The following EIF4ENIF1 variants were observed in gnomAD, a reference collection of about 807,000 sequenced individuals.
The protein encoded by EIF4ENIF1 is eukaryotic translation initiation factor 4E nuclear import factor 1.
A neutral mutation model predicts 110.5 loss-of-function variants in EIF4ENIF1; 23 were observed. The observed-to-expected ratio is 0.21, with a 90% CI of 0.15 to 0.29. The LOEUF (loss-of-function observed/expected upper bound fraction) is 0.29, where lower values mean the gene tolerates loss of function less well. Among genes scored for constraint, EIF4ENIF1 ranks in the 10% least tolerant of loss-of-function variants. The pLI, the probability that EIF4ENIF1 is intolerant of heterozygous loss-of-function variation, is 1.00. For missense variants in EIF4ENIF1, 1,031 were observed against 1,221.1 expected, an observed-to-expected ratio of 0.84 and a Z score of 2.32; for synonymous variants, 440 against 437.0, an observed-to-expected ratio of 1.01 and a Z score of -0.09.
intron 17 of EIF4ENIF1, among the ~76,000 whole-genome samples, chr22:31,441,433 G>A (rs764806598): frequency 7.3e-5 from 11 of 151,082 alleles, no homozygotes; most frequent in Non-Finnish European, 1.5e-4. Flanking sequence ...CCAGCTACTC[G>A]GGAGGCTGAG....
intron 17 of EIF4ENIF1, 140 bp from the exon 18 acceptor site, chr22:31,441,008 G>A (rs950419325): frequency 8.4e-7 from 1 of 1,197,474 alleles, no homozygotes; most frequent in Non-Finnish European, 1.2e-6. Flanking sequence ...GTAATCCCCA[G>A]CACTTTGGGA....
chr22:31,481,027 T>C (rs915013295), intron 2 of EIF4ENIF1, among the ~76,000 whole-genome samples: 2 of 152,172 alleles, frequency 1.3e-5, no homozygotes, highest in Admixed American at 6.5e-5. Flanking sequence ...CGTGCAAGAC[T>C]CTGTCTCAAC....
intron 17 of EIF4ENIF1, 55 bp from the exon 18 acceptor site, chr22:31,440,923 TC>T (rs2050273678): frequency 6.2e-7 from 1 of 1,600,680 alleles, no homozygotes; most frequent in African/African-American, 1.3e-5. Context: ...CTGGAAGTTT[TC>T]CAGCTTCACT....
chr22:31,488,126 C>T (rs1318249819), intron 2 of EIF4ENIF1, among the ~76,000 whole-genome samples: 1 of 152,082 alleles, frequency 6.6e-6, no homozygotes, highest in Non-Finnish European at 1.5e-5. Flanking sequence ...ATGACTGAAG[C>T]CTTACTTTTT....
At chr22:31,437,390 C>T (rs2050185895), downstream of EIF4ENIF1, 2 of 152,164 alleles carry the variant, frequency 1.3e-5, no homozygotes, top group African/African-American at 2.4e-5. Flanking sequence ...CCTCTCTGCC[C>T]TCATCCTATA....
intron 11 of EIF4ENIF1, 131 bp downstream of exon 11, chr22:31,450,158 A>G (rs1309242994): frequency 1.4e-6 from 1 of 714,526 alleles, no homozygotes; most frequent in African/African-American, 1.8e-5. Context: ...ATGTCAGGCA[A>G]CAATATCACC....
chr22:31,471,935 ATAGTCAT>A lies in EIF4ENIF1; in HGVS notation c.97-25_97-19del. ...AGTTCTTCCTAAAAAGAGAAGTCAA[ATAGTCAT>A]TTTGAATTACATTTCTTAGGCCACA... On this transcript the variant is annotated intron_variant, in intron 2 of 18. Coordinates refer to ENST00000330125, the MANE Select transcript of EIF4ENIF1 (RefSeq NM_019843.4). 6.3e-7 allele frequency: 1 copy of A among 1,583,384 alleles called. No individual in the cohort carries two copies.
chr22:31,466,642 T>TGGGG (rs59271217), intron 4 of EIF4ENIF1, among the ~76,000 whole-genome samples: 1,222 of 55,536 alleles, frequency 0.022, 17 homozygotes, highest in African/African-American at 0.072. Context: ...GGAAGTGTTG[T>TGGGG]GGGGGGGGCA....
intron 6 of EIF4ENIF1, 86 bp downstream of exon 6, chr22:31,462,846 G>A: frequency 7.2e-7 from 1 of 1,397,946 alleles, no homozygotes; most frequent in Non-Finnish European, 9.8e-7. Flanking sequence ...GCCTCCCAAA[G>A]TGTTGGGATT....
chr22:31,459,467 A>G (rs1450732215), intron 6 of EIF4ENIF1, among the ~76,000 whole-genome samples: 2 of 152,098 alleles, frequency 1.3e-5, no homozygotes, highest in African/African-American at 4.8e-5. Flanking sequence ...TTCAAATGTG[A>G]CCTTCTCTGG....
intron 8 of EIF4ENIF1, among the ~76,000 whole-genome samples, 170 bp from the exon 9 acceptor site, chr22:31,455,485 G>A (rs1250923362): frequency 1.4e-5 from 2 of 148,008 alleles, no homozygotes; most frequent in African/African-American, 5.0e-5. Context: ...TGCAACCTCC[G>A]CCTGCCAGTT....
intron 18 of EIF4ENIF1, 134 bp downstream of exon 18, chr22:31,440,570 G>A (rs568740419): frequency 1.2e-5 from 13 of 1,116,964 alleles, no homozygotes; most frequent in Non-Finnish European, 1.5e-5. Flanking sequence ...CTTATTATCT[G>A]GTTACACTTT....
intron 14 of EIF4ENIF1, 92 bp downstream of exon 14, chr22:31,447,334 A>G: frequency 6.8e-7 from 1 of 1,479,928 alleles, no homozygotes. Context: ...ATACCACAGT[A>G]TGTACAACAG....
intron 8 of EIF4ENIF1, 80 bp from the exon 9 acceptor site, chr22:31,455,395 CT>C (rs67838369): frequency 0.22 from 172,512 of 794,328 alleles, 539 homozygotes; most frequent in East Asian, 0.33. Context: ...TTCTTTCTTT[CT>C]TTTTTTTTTT....
intron 2 of EIF4ENIF1, among the ~76,000 whole-genome samples, chr22:31,484,949 T>TA (rs2051963430): frequency 6.6e-6 from 1 of 152,216 alleles, no homozygotes; most frequent in Non-Finnish European, 1.5e-5. Context: ...TCTCAGTACA[T>TA]AGACAAGGAA....
intron 2 of EIF4ENIF1, among the ~76,000 whole-genome samples, chr22:31,475,396 G>A (rs555575663): frequency 5.4e-4 from 82 of 152,268 alleles, no homozygotes; most frequent in Non-Finnish European, 1.0e-3. Flanking sequence ...CTTGAGTCCA[G>A]GAGTTCAAGA....
chr22:31,452,946 C>G (rs1211842291), intron 10 of EIF4ENIF1, among the ~76,000 whole-genome samples: 1 of 152,094 alleles, frequency 6.6e-6, no homozygotes, highest in Non-Finnish European at 1.5e-5. Flanking sequence ...AAGTCAGTTG[C>G]TTTCTTTTGG....
In EIF4ENIF1 at chr22:31,445,900, A is replaced by G. The variant is rs1401869398; in HGVS notation, c.1989-1210T>C. 2.0e-5 allele frequency among the ~76,000 whole-genome samples: 3 copies of G among 151,742 alleles called. No homozygotes were observed. In the South Asian group the frequency reaches 6.3e-4, roughly 32 times the overall value. On this transcript the variant is annotated intron_variant, in intron 14 of 18. Transcript: ENST00000330125. Reference sequence around the variant, plus strand: ...TCAAATATGCTTGCTAGTTTTGAGTAAGCCATGTTTTAAAAACCTGTTTTC... The same window carrying G: ...TCAAATATGCTTGCTAGTTTTGAGTGAGCCATGTTTTAAAAACCTGTTTTC...
chr22:31,472,929 ATGTT>A (rs1489697988), intron 2 of EIF4ENIF1, among the ~76,000 whole-genome samples: 2 of 152,076 alleles, frequency 1.3e-5, no homozygotes, highest in Non-Finnish European at 1.5e-5. Context: ...CTTCAACTGC[ATGTT>A]TGTATCCATA....
Sources: gnomAD v4.1 joint callset for allele counts (sites outside exome capture counted in the v4.1 genomes callset) on GRCh38, gnomAD v4.1.1 for gene constraint, MANE v1.5 for transcripts, NCBI Gene and HGNC (gene_info 2026-07-23, HGNC 2026-07-21) for gene names.